RAD51B: variants seen among roughly 807,000 people sequenced by gnomAD.
RAD51B encodes RAD51 paralog B, also known as DNA repair protein RAD51 homolog 2.
In RAD51B, 38 loss-of-function variants were observed where a neutral mutation model predicts 42.2. That is an observed-to-expected ratio of 0.90 (90% CI 0.70 to 1.18). The LOEUF is 1.18. Among genes scored for constraint, RAD51B ranks in the 50% most tolerant of loss-of-function variants. The pLI, the probability that RAD51B is intolerant of heterozygous loss-of-function variation, is 0.00. For synonymous variants in RAD51B, 154 were observed against 145.2 expected (o/e 1.06, Z -0.43); for missense variants, 373 against 400.7 (o/e 0.93, Z 0.59).
chr14:68,050,714 C>G (rs147541588), intron 7 of RAD51B, among the ~76,000 whole-genome samples: 1 of 152,094 alleles, frequency 6.6e-6, no homozygotes, highest in Non-Finnish European at 1.5e-5. Context: ...CTTCTCTTCC[C>G]CCTCTCCCCA....
In RAD51B at chr14:68,161,390, T is replaced by C. The variant is rs550760754; in HGVS notation, c.757-130494T>C. On this transcript the variant is annotated intron_variant, in intron 7 of 10. Transcript: ENST00000471583. ...AAGGGAATGAATCTTTCCTGATTGC[T>C]TGAGCCAGAGTCTCAGAATTGAGTA... Among the ~76,000 whole-genome samples the C allele has an allele frequency of 6.6e-5, 10 of 152,350 alleles. No homozygotes were observed. In the South Asian group the frequency reaches 2.1e-3, roughly 32 times the overall value.
intron 7 of RAD51B, among the ~76,000 whole-genome samples, chr14:68,081,603 AT>A (rs2076912958): frequency 6.6e-6 from 1 of 152,250 alleles, no homozygotes; most frequent in African/African-American, 2.4e-5. Context: ...TCAAAATTCT[AT>A]TGGAGGCTAC....
chr14:68,315,541 A>G (rs757988973), intron 8 of RAD51B, among the ~76,000 whole-genome samples: 2 of 151,864 alleles, frequency 1.3e-5, no homozygotes, highest in Non-Finnish European at 2.9e-5. Context: ...TCTTTTTTTG[A>G]GACAGAGTCT....
In RAD51B at chr14:68,433,130, T is replaced by C. The variant is rs150286128; in HGVS notation, c.957+21603T>C. On this transcript the variant is annotated intron_variant, in intron 9 of 10. Transcript: ENST00000471583. ...GCTGAGAGATCAGCTGTTAGTTTGA[T>C]GGGCTTCCCTTTGTGGGTAACCTGA... 7.3e-3 allele frequency among the ~76,000 whole-genome samples: 1,116 copies of C among 152,360 alleles called. 8 individuals carry two copies. The highest frequency in any genetic ancestry group is 0.025 in the African/African-American group (1,056 of 41,568).
At chr14:68,407,552 G>C (rs1745331357) in intron 8 of RAD51B, among the ~76,000 whole-genome samples, 5 of 152,202 alleles carry the variant, frequency 3.3e-5, no homozygotes, top group Admixed American at 3.3e-4. Flanking sequence ...CATATTTGCA[G>C]TCTGTCATTT....
intron 7 of RAD51B, among the ~76,000 whole-genome samples, chr14:67,895,218 G>C (rs2043372545): frequency 6.6e-6 from 1 of 152,224 alleles, no homozygotes; most frequent in Non-Finnish European, 1.5e-5. Context: ...TTAGTCTTTA[G>C]CGTTACTTTA....
intron 7 of RAD51B, among the ~76,000 whole-genome samples, chr14:67,940,925 T>G (rs1434044304): frequency 6.6e-6 from 1 of 152,238 alleles, no homozygotes; most frequent in Non-Finnish European, 1.5e-5. Flanking sequence ...AATTCATGTT[T>G]CCTTCTTACA....
chr14:68,110,224 G>C (rs538971171), intron 7 of RAD51B, among the ~76,000 whole-genome samples: 77 of 152,052 alleles, frequency 5.1e-4, no homozygotes, highest in African/African-American at 1.8e-3. Context: ...GGCACTCTGT[G>C]GCATTCAAGA....
At chr14:68,273,634 A>G (rs913364242) in intron 7 of RAD51B, among the ~76,000 whole-genome samples, 2 of 152,186 alleles carry the variant, frequency 1.3e-5, no homozygotes, top group Non-Finnish European at 2.9e-5. Context: ...TTGAGTGGGC[A>G]CACAGGGCTT....
intron 7 of RAD51B, among the ~76,000 whole-genome samples, chr14:68,188,179 C>A (rs2079193545): frequency 6.6e-6 from 1 of 151,996 alleles, no homozygotes; most frequent in Non-Finnish European, 1.5e-5. Context: ...CTTTCAGAGT[C>A]ATTTAGTCCG....
In RAD51B at chr14:68,565,054, C is replaced by T. The variant is rs750180748; in HGVS notation, c.1037-29431C>T. ...TTGTTTTCAAACATTCTACATCCAG[C>T]GCATAAAAACACAATAGTGACAGGA... On this transcript the variant is annotated intron_variant, in intron 10 of 10. Coordinates refer to the RAD51B transcript ENST00000487270. The surrounding 1 kb of genome is among the most constrained non-coding windows in gnomAD (Gnocchi z 4.1). Among the ~76,000 whole-genome samples, 2 of 152,204 alleles carry T rather than the reference C, an allele frequency of 1.3e-5. No homozygotes were observed. The highest frequency in any genetic ancestry group is 2.9e-5 in the Non-Finnish European group (2 of 68,030).
intron 8 of RAD51B, among the ~76,000 whole-genome samples, chr14:68,328,426 C>A (rs2082287059): frequency 6.6e-6 from 1 of 152,152 alleles, no homozygotes; most frequent in African/African-American, 2.4e-5. Flanking sequence ...ACAAAGCTAG[C>A]CAGTGGATTT....
intron 7 of RAD51B, among the ~76,000 whole-genome samples, chr14:67,923,974 T>G (rs1223538578): frequency 6.6e-6 from 1 of 152,190 alleles, no homozygotes; most frequent in East Asian, 1.9e-4. Context: ...TCCCTGATTA[T>G]TAGTGATGTT....
intron 7 of RAD51B, among the ~76,000 whole-genome samples, chr14:68,214,048 CA>C (rs2079764956): frequency 6.6e-6 from 1 of 152,134 alleles, no homozygotes; most frequent in Non-Finnish European, 1.5e-5. Context: ...TGGCTACAAT[CA>C]GGCCTTTTAT....
intron 8 of RAD51B, among the ~76,000 whole-genome samples, chr14:68,307,745 A>G (rs2081896127): frequency 6.6e-6 from 1 of 152,256 alleles, no homozygotes. Context: ...GAAAAGGGAG[A>G]TGAGGCAGAG....
chr14:68,082,424 T>A (rs1283364808), intron 7 of RAD51B, among the ~76,000 whole-genome samples: 4 of 152,096 alleles, frequency 2.6e-5, no homozygotes, highest in African/African-American at 9.7e-5. Context: ...CTCAAGTTAC[T>A]AGTTTCTTTT....
intron 8 of RAD51B, among the ~76,000 whole-genome samples, chr14:68,319,010 A>AT (rs1051672540): frequency 2.6e-5 from 4 of 151,998 alleles, no homozygotes; most frequent in Admixed American, 1.3e-4. Context: ...TCCCATTGTT[A>AT]TTTTTTCTCT....
intron 10 of RAD51B, among the ~76,000 whole-genome samples, chr14:68,488,984 A>G (rs7160842): frequency 0.51 from 76,925 of 151,636 alleles, 20,100 homozygotes; most frequent in African/African-American, 0.63. Flanking sequence ...ATGGAGTTTC[A>G]CTCTTGTTGC....
At chr14:68,191,982 C>A (rs2079276800) in intron 7 of RAD51B, among the ~76,000 whole-genome samples, 1 of 152,156 alleles carries the variant, frequency 6.6e-6, no homozygotes, top group Non-Finnish European at 1.5e-5. Context: ...TCAGATTCAC[C>A]TTTATACCAT....
Sources: allele counts gnomAD v4.1 joint callset (sites outside exome capture counted in the v4.1 genomes callset), GRCh38; gene constraint gnomAD v4.1.1; non-coding constraint Gnocchi (gnomAD v3.1); transcripts MANE v1.5; gene names NCBI Gene and HGNC (gene_info 2026-07-23, HGNC 2026-07-21).